SLC2A13: variants seen among roughly 807,000 people sequenced by gnomAD.
SLC2A13 encodes solute carrier family 2 member 13.
Under a neutral mutation model 64.4 loss-of-function variants are expected in SLC2A13, and 32 were observed. The observed-to-expected ratio is 0.50, with a 90% CI of 0.37 to 0.67. The LOEUF is 0.67. Among genes scored for constraint, SLC2A13 ranks in the 30% least tolerant of loss-of-function variants. The pLI, the probability that SLC2A13 is intolerant of heterozygous loss-of-function variation, is 0.00. For synonymous variants in SLC2A13, 338 were observed against 327.1 expected (o/e 1.03, Z -0.36); for missense variants, 743 against 829.2 (o/e 0.90, Z 1.28).
intron 4 of SLC2A13, among the ~76,000 whole-genome samples, chr12:39,928,259 G>T (rs745980686): frequency 1.3e-5 from 2 of 151,832 alleles, no homozygotes; most frequent in African/African-American, 2.4e-5. Context: ...CCCAATTGTT[G>T]CTTACTGGAT....
At chr12:39,785,384 G>A (rs1301223975) in intron 7 of SLC2A13, among the ~76,000 whole-genome samples, 1 of 152,210 alleles carries the variant, frequency 6.6e-6, no homozygotes, top group Non-Finnish European at 1.5e-5. Flanking sequence ...TTGAGCCTGT[G>A]GGTGCACAGA....
chr12:39,785,074 C>T (rs1331406210), intron 7 of SLC2A13, among the ~76,000 whole-genome samples: 4 of 152,240 alleles, frequency 2.6e-5, no homozygotes, highest in African/African-American at 7.2e-5. Flanking sequence ...AAATTCAAGC[C>T]GGCTGCAGAA....
intron 7 of SLC2A13, among the ~76,000 whole-genome samples, chr12:39,776,118 A>T (rs1940768019): frequency 6.6e-6 from 1 of 151,968 alleles, no homozygotes; most frequent in South Asian, 2.1e-4. Flanking sequence ...CCCCCCTACA[A>T]TTTTTCCCAT....
chr12:39,798,199 G>A (rs1487444080), intron 7 of SLC2A13, among the ~76,000 whole-genome samples: 2 of 152,148 alleles, frequency 1.3e-5, no homozygotes, highest in Non-Finnish European at 2.9e-5. Context: ...CCAGGCACAC[G>A]AGGAAGCCAC....
chr12:39,812,434 C>T (rs565636688), intron 7 of SLC2A13, among the ~76,000 whole-genome samples: 1 of 144,452 alleles, frequency 6.9e-6, no homozygotes, highest in African/African-American at 2.6e-5. Flanking sequence ...GCCTTCCTTC[C>T]TTTTCTTTCT....
intron 6 of SLC2A13, among the ~76,000 whole-genome samples, chr12:39,835,485 G>C (rs77381538): frequency 6.6e-6 from 1 of 152,114 alleles, no homozygotes; most frequent in East Asian, 1.9e-4. Flanking sequence ...TTTACATAAG[G>C]ACTATGCTTT....
At chr12:39,998,742 T>C (rs1417455236) in intron 3 of SLC2A13, among the ~76,000 whole-genome samples, 1 of 152,184 alleles carries the variant, frequency 6.6e-6, no homozygotes, top group Non-Finnish European at 1.5e-5. Context: ...GAGTTAATGC[T>C]GAGATGAGTT....
rs752222272 is a variant in SLC2A13 at position 40,016,897 on chromosome 12, AC to A, written c.925+11403del. 3.9e-5 allele frequency among the ~76,000 whole-genome samples: 6 copies of A among 152,348 alleles called. No homozygotes were observed. The South Asian group carries it at 1.2e-3, about 32-fold the overall frequency. ...TAGCAACTAGAAGAAAATACTAATA[AC>A]TCCTAATATACACATAAATTCCAAA... On this transcript the variant is annotated intron_variant, in intron 3 of 9. Transcript: ENST00000280871.
chr12:40,051,632 T>G (rs1391901203), intron 1 of SLC2A13, among the ~76,000 whole-genome samples: 1 of 152,018 alleles, frequency 6.6e-6, no homozygotes, highest in Non-Finnish European at 1.5e-5. Flanking sequence ...TAAGCTGAGA[T>G]GTAGTGAATA....
intron 7 of SLC2A13, among the ~76,000 whole-genome samples, chr12:39,770,506 A>T (rs964647356): frequency 6.6e-6 from 1 of 152,110 alleles, no homozygotes; most frequent in African/African-American, 2.4e-5. Flanking sequence ...CAAAATACCA[A>T]CCAGTGCATT....
intron 4 of SLC2A13, among the ~76,000 whole-genome samples, chr12:39,897,822 TATA>T (rs1214658652): frequency 6.6e-6 from 1 of 152,176 alleles, no homozygotes; most frequent in Non-Finnish European, 1.5e-5. Context: ...GACTTTTTTC[TATA>T]ATATTTTCAT....
intron 4 of SLC2A13, among the ~76,000 whole-genome samples, chr12:39,879,701 C>T (rs1944293485): frequency 6.6e-6 from 1 of 152,138 alleles, no homozygotes; most frequent in African/African-American, 2.4e-5. Flanking sequence ...TTTTATTTTA[C>T]AGGCTCAAAA....
At chr12:40,087,454 G>A (rs2136292374) in intron 1 of SLC2A13, among the ~76,000 whole-genome samples, 1 of 152,248 alleles carries the variant, frequency 6.6e-6, no homozygotes, top group Non-Finnish European at 1.5e-5. Flanking sequence ...TGAAAAAACT[G>A]AGTTTTTAAG....
chr12:40,062,885 T>C (rs1411251304), intron 1 of SLC2A13, among the ~76,000 whole-genome samples: 1 of 152,146 alleles, frequency 6.6e-6, no homozygotes, highest in Admixed American at 6.6e-5. Context: ...TAAGGAGCCA[T>C]TATAGCTCAC....
At chr12:39,830,616 C>G (rs1221723264) in intron 6 of SLC2A13, 3 of 323,136 alleles carry the variant, frequency 9.3e-6, no homozygotes, top group Non-Finnish European at 1.4e-5. Flanking sequence ...TCAAAGCATT[C>G]ATTTCTCTCA....
chr12:40,004,148 G>T (rs114117277), intron 3 of SLC2A13, among the ~76,000 whole-genome samples: 33 of 152,048 alleles, frequency 2.2e-4, no homozygotes, highest in Non-Finnish European at 4.3e-4. Context: ...AAGTATATGG[G>T]AAGATGTACA....
chr12:40,083,722 G>A (rs986525615), intron 1 of SLC2A13, among the ~76,000 whole-genome samples: 2 of 152,196 alleles, frequency 1.3e-5, no homozygotes, highest in African/African-American at 2.4e-5. Flanking sequence ...GGTGTTCAAT[G>A]AGCAGTCCTG....
rs1348656843 is a variant in SLC2A13, at chr12:40,017,006, T to G, written c.925+11295A>C. Among the ~76,000 whole-genome samples the G allele has an allele frequency of 2.0e-5, 3 of 152,202 alleles. No homozygotes were observed. The East Asian group carries it at 5.8e-4, about 29-fold the overall frequency. On this transcript the variant is annotated intron_variant, in intron 3 of 9. Transcript: ENST00000280871. ...AGAGACATTCAACAAATAGTCATTG[T>G]GCACTGACTTATGTCTTCTCCTCAC...
chr12:40,004,121 A>G (rs1317492827), intron 3 of SLC2A13, among the ~76,000 whole-genome samples: 1 of 152,254 alleles, frequency 6.6e-6, no homozygotes, highest in African/African-American at 2.4e-5. Flanking sequence ...TTTTATAAGT[A>G]ATCCAGAGAT....
Sources: allele counts gnomAD v4.1 joint callset (sites outside exome capture counted in the v4.1 genomes callset), GRCh38; gene constraint gnomAD v4.1.1; transcripts MANE v1.5; gene names NCBI Gene and HGNC (gene_info 2026-07-23, HGNC 2026-07-21).